The following RBFOX1 variants were observed in gnomAD, a reference collection of about 807,000 sequenced individuals.
RBFOX1 encodes the protein RNA binding fox-1 homolog 1.
In RBFOX1, 8 loss-of-function variants were observed where a neutral mutation model predicts 57.7. The observed-to-expected ratio is 0.14, with a 90% CI of 0.08 to 0.25. The LOEUF (loss-of-function observed/expected upper bound fraction) is 0.25, where lower values mean the gene tolerates loss of function less well. Among genes scored for constraint, RBFOX1 ranks in the 10% least tolerant of loss-of-function variants. The pLI is 1.00. For missense variants in RBFOX1, 611 were observed against 548.5 expected (o/e 1.11, Z -1.14); for synonymous variants, 326 against 222.4 (o/e 1.47, Z -4.15).
intron 2 of RBFOX1, among the ~76,000 whole-genome samples, chr16:6,482,386 T>C (rs149583471): frequency 6.6e-6 from 1 of 152,226 alleles, no homozygotes; most frequent in Non-Finnish European, 1.5e-5. Context: ...AGCCAATTAA[T>C]TTTTTGGTCC....
chr16:7,107,203 C>G (rs2063773254), intron 4 of RBFOX1, among the ~76,000 whole-genome samples: 1 of 152,116 alleles, frequency 6.6e-6, no homozygotes, highest in South Asian at 2.1e-4. Context: ...TTGCTGGGTT[C>G]AAAGACTGAG....
At chr16:7,312,199 G>A (rs1197468087) in intron 4 of RBFOX1, among the ~76,000 whole-genome samples, 1 of 152,202 alleles carries the variant, frequency 6.6e-6, no homozygotes, top group Non-Finnish European at 1.5e-5. Context: ...GGCCTACATG[G>A]TGAAACCCTG....
intron 14 of RBFOX1, among the ~76,000 whole-genome samples, chr16:7,693,898 C>G (rs1209424373): frequency 6.6e-6 from 1 of 152,112 alleles, no homozygotes; most frequent in Non-Finnish European, 1.5e-5. Context: ...CCTCTATTTC[C>G]TTTCTTATAA....
chr16:7,287,094 C>G (rs2095665290), intron 4 of RBFOX1, among the ~76,000 whole-genome samples: 1 of 152,118 alleles, frequency 6.6e-6, no homozygotes, highest in Non-Finnish European at 1.5e-5. Context: ...TCATTATGGT[C>G]CCAGAGTGTG....
At chr16:6,567,381 C>T (rs2097281749) in intron 2 of RBFOX1, among the ~76,000 whole-genome samples, 1 of 152,130 alleles carries the variant, frequency 6.6e-6, no homozygotes, top group African/African-American at 2.4e-5. Flanking sequence ...CTGAGTAGCT[C>T]AGGTTCGTTT....
At chr16:5,373,024 A>T (rs1223494909) in intron 1 of RBFOX1, among the ~76,000 whole-genome samples, 2 of 152,240 alleles carry the variant, frequency 1.3e-5, no homozygotes. Context: ...CAGAATTTAA[A>T]GAAATAGCTT....
At chr16:6,125,859 T>G (rs2096585871) in intron 1 of RBFOX1, among the ~76,000 whole-genome samples, 1 of 152,154 alleles carries the variant, frequency 6.6e-6, no homozygotes. Flanking sequence ...CTACTGATAC[T>G]GCCGGGGAGA....
At chr16:6,289,708 A>T (rs1179808783) in intron 1 of RBFOX1, among the ~76,000 whole-genome samples, 1 of 152,146 alleles carries the variant, frequency 6.6e-6, no homozygotes, top group Non-Finnish European at 1.5e-5. Context: ...TAAAATGAAA[A>T]GGTAAGGATG....
intron 3 of RBFOX1, among the ~76,000 whole-genome samples, chr16:5,818,088 A>G (rs1049034741): frequency 2.0e-5 from 3 of 152,162 alleles, no homozygotes; most frequent in African/African-American, 4.8e-5. Flanking sequence ...AAGATATTCA[A>G]TAACTTTATC....
chr16:7,570,473 A>G (rs59378431), intron 5 of RBFOX1, among the ~76,000 whole-genome samples: 25,788 of 152,118 alleles, frequency 0.17, 2,658 homozygotes, highest in African/African-American at 0.29. Context: ...CTCAACCGAA[A>G]CTGGATGAGT....
chr16:5,561,762 AG>A (rs888204542), intron 2 of RBFOX1, among the ~76,000 whole-genome samples: 84 of 152,190 alleles, frequency 5.5e-4, no homozygotes, highest in African/African-American at 1.9e-3. Context: ...TTGGGGTGAG[AG>A]GGTCACTTGT....
At chr16:5,474,337 G>C (rs1234310656) in intron 2 of RBFOX1, among the ~76,000 whole-genome samples, 1 of 152,190 alleles carries the variant, frequency 6.6e-6, no homozygotes, top group Non-Finnish European at 1.5e-5. Context: ...AGCTTAACTT[G>C]TTCATTAATG....
At chr16:6,079,917 G>A (rs2095974224) in intron 1 of RBFOX1, among the ~76,000 whole-genome samples, 1 of 152,166 alleles carries the variant, frequency 6.6e-6, no homozygotes, top group South Asian at 2.1e-4. Context: ...AGTCCATTGA[G>A]AATTAATTTA....
At chr16:6,159,922 A>G (rs971755790) in intron 1 of RBFOX1, among the ~76,000 whole-genome samples, 1 of 152,192 alleles carries the variant, frequency 6.6e-6, no homozygotes, top group South Asian at 2.1e-4. Context: ...TGCCAGCCTT[A>G]AGGTGCTTTA....
At chr16:5,363,199 A>ATTTTTTTTTT (rs533158906) in intron 1 of RBFOX1, among the ~76,000 whole-genome samples, 3 of 121,746 alleles carry the variant, frequency 2.5e-5, no homozygotes, top group Non-Finnish European at 1.8e-5. Flanking sequence ...GCCCCTGGCT[A>ATTTTTTTTTT]TTTTTTTTTT....
intron 4 of RBFOX1, among the ~76,000 whole-genome samples, chr16:5,990,926 C>A (rs1188462886): frequency 5.3e-5 from 8 of 152,104 alleles, no homozygotes; most frequent in Non-Finnish European, 8.8e-5. Context: ...GTGAGATGAG[C>A]ACACACCACT....
At chr16:5,868,478 AG>A (rs1301261034) in intron 4 of RBFOX1, among the ~76,000 whole-genome samples, 3 of 152,230 alleles carry the variant, frequency 2.0e-5, no homozygotes, top group Admixed American at 6.5e-5. Context: ...AGTCGTTAGT[AG>A]GGTAAAATAG....
In RBFOX1 at chr16:7,120,309, T is replaced by C. The variant is rs75931205; in HGVS notation, c.27+68211T>C. On this transcript the variant is annotated intron_variant, in intron 4 of 15. Coordinates refer to ENST00000550418, the MANE Select transcript of RBFOX1 (RefSeq NM_018723.4). ...AAAAAGCAAATCAAAAACTAATACA[T>C]GCAAAGAGAAAGAAGGGAATAGTAA... is the stretch of plus-strand genomic sequence containing the variant. 7.9e-3 allele frequency among the ~76,000 whole-genome samples: 1,195 copies of C among 151,032 alleles called. 7 individuals are homozygous for C. The highest frequency in any genetic ancestry group is 0.028 in the African/African-American group (1,142 of 40,994).
At chr16:6,051,905 C>A (rs1281912390) in intron 1 of RBFOX1, among the ~76,000 whole-genome samples, 2 of 152,098 alleles carry the variant, frequency 1.3e-5, no homozygotes, top group Non-Finnish European at 2.9e-5. Context: ...TCCAGTCCAT[C>A]CTTTGATTTT....
Sources: allele counts gnomAD v4.1 joint callset (sites outside exome capture counted in the v4.1 genomes callset), GRCh38; gene constraint gnomAD v4.1.1; transcripts MANE v1.5; gene names NCBI Gene and HGNC (gene_info 2026-07-23, HGNC 2026-07-21).